CELSR1: variants seen among roughly 807,000 people sequenced by gnomAD.
The protein encoded by CELSR1 is adhesion G protein-coupled receptor C1.
Under a neutral mutation model 249.1 loss-of-function variants are expected in CELSR1, and 110 were observed. That is an observed-to-expected ratio of 0.44 (90% CI 0.38 to 0.52). CELSR1 has a LOEUF of 0.52. CELSR1 is among the 20% of genes least tolerant of loss of function. The pLI is 0.00. For missense variants in CELSR1, 4,109 were observed against 4,296.4 expected (o/e 0.96, Z 1.22); for synonymous variants, 2,113 against 1,900.0 (o/e 1.11, Z -2.92).
In CELSR1 at chr22:46,367,557, A is replaced by G. The variant is rs576721285; in HGVS notation, c.8079+172T>C. 4.3e-3 allele frequency among the ~76,000 whole-genome samples: 654 copies of G among 152,324 alleles called. 5 individuals are homozygous for G. Among genetic ancestry groups the G allele is most frequent in the African/African-American group, 0.015 (624 of 41,574 alleles). The stretch of plus-strand genomic sequence containing the variant: ...CCAGACACAGTGGGGAGGAGGCACC[A>G]GCCCCCGTGCCGGCTGCACAAGGGA... On this transcript the variant is annotated intron_variant, in intron 28 of 34. Transcript: ENST00000674500.
chr22:46,397,981 G>C, intron 11 of CELSR1, 133 bp from the exon 12 acceptor site: 1 of 817,494 alleles, frequency 1.2e-6, no homozygotes, highest in South Asian at 3.3e-5. Flanking sequence ...GAGCTGGGGC[G>C]GGCAGGGTTG....
rs752566318 is a variant in CELSR1 at position 46,364,065 on chromosome 22, C to T, written c.8966G>A (p.Arg2989His). The T allele has an allele frequency of 8.7e-6, 14 of 1,612,156 alleles. No individual in the cohort carries two copies. The highest frequency in any genetic ancestry group is 4.4e-5 in the South Asian group (4 of 91,072). Residue 2989 changes from arginine (R) to histidine (H), a missense_variant, in exon 34 of 35, where the codon CGT becomes CAT. Arg to His is a conservative substitution (Grantham distance 29). Coordinates refer to ENST00000674500, the MANE Select transcript of CELSR1 (RefSeq NM_001378328.1). ...TVKSPGREPG[R>H]DHLNGVAMNV... ...CATGGCCACCCCGTTGAGGTGGTCACGCCCCGGCTCCCTCCCAGGGCTCTT... is the reference window on the plus strand; with the variant it reads ...CATGGCCACCCCGTTGAGGTGGTCATGCCCCGGCTCCCTCCCAGGGCTCTT...
rs956134845 is a variant in CELSR1, at chr22:46,391,367, G to A, written c.6149-80C>T. On this transcript the variant is annotated intron_variant, in intron 15 of 34. Coordinates refer to ENST00000674500, the MANE Select transcript of CELSR1 (RefSeq NM_001378328.1). This position sits in a 1 kb window ranked among gnomAD's most constrained non-coding sequence, Gnocchi z 4.3. ...CAAACAGGCACCACTGTCTGCATGCGCCTCCCTGCAGGAGGCCCTGCTCCC... is the reference window on the plus strand; with the variant it reads ...CAAACAGGCACCACTGTCTGCATGCACCTCCCTGCAGGAGGCCCTGCTCCC... The A allele has an allele frequency of 1.2e-5, 15 of 1,282,532 alleles. No homozygotes were observed. The highest frequency in any genetic ancestry group is 2.9e-5 in the African/African-American group (2 of 68,156). 79.4% of individuals were successfully genotyped at this position (1,282,532 alleles called of 1,614,324 possible). A position where few individuals can be genotyped will look rare whatever the true frequency, so the allele number is the denominator to read the frequency against.
At chr22:46,369,988 A>C (rs2147178079) in intron 25 of CELSR1, 184 bp from the exon 26 acceptor site, 40 of 664,004 alleles carry the variant, frequency 6.0e-5, no homozygotes, top group East Asian at 1.8e-4. Context: ...GTAGGGTCTC[A>C]GGCTCACTGG....
chr22:46,499,991 C>T (rs2080450877), intron 1 of CELSR1, among the ~76,000 whole-genome samples: 1 of 152,146 alleles, frequency 6.6e-6, no homozygotes, highest in South Asian at 2.1e-4. Flanking sequence ...ATGTCCATTT[C>T]CACCCCATGC....
chr22:46,394,036 T>G, intron 14 of CELSR1, 106 bp downstream of exon 14: 3 of 1,428,220 alleles, frequency 2.1e-6, no homozygotes, highest in South Asian at 1.3e-5. Flanking sequence ...TGCAGGGGTG[T>G]GAGTGTGTAC....
At chr22:46,493,792 T>A (rs1187251502) in intron 1 of CELSR1, among the ~76,000 whole-genome samples, 2 of 152,156 alleles carry the variant, frequency 1.3e-5, no homozygotes, top group Non-Finnish European at 1.5e-5. Context: ...CCTGCCACCA[T>A]GTAAGATGTG....
At chr22:46,444,832 C>T (rs2079799227) in intron 2 of CELSR1, among the ~76,000 whole-genome samples, 1 of 152,166 alleles carries the variant, frequency 6.6e-6, no homozygotes, top group Non-Finnish European at 1.5e-5. Flanking sequence ...TGGCTCCCAG[C>T]GTCCCTGGCT....
intron 1 of CELSR1, among the ~76,000 whole-genome samples, chr22:46,515,094 G>A (rs1204814772): frequency 2.0e-5 from 3 of 150,278 alleles, no homozygotes; most frequent in Admixed American, 6.7e-5. Flanking sequence ...GTCTGGCAGC[G>A]TGGACCCCCC....
At position 46,484,268 on chromosome 22, in the gene CELSR1, C is replaced by G. The variant is rs2080293873; in HGVS notation, c.3545-19923G>C. Among the ~76,000 whole-genome samples, 1 of 152,154 alleles carries G rather than the reference C, an allele frequency of 6.6e-6. No homozygotes were observed. The highest frequency in any genetic ancestry group is 2.1e-4 in the South Asian group (1 of 4,826). On this transcript the variant is annotated intron_variant, in intron 1 of 34. Coordinates refer to ENST00000674500, the MANE Select transcript of CELSR1 (RefSeq NM_001378328.1). The surrounding 1 kb of genome is among the most constrained non-coding windows in gnomAD (Gnocchi z 4.5). ...CCCACCAGCCCCAGCTGCTCAGTCC[C>G]AAGCAAGACCGCTGGGAGGGTCCTG...
At chr22:46,525,449 CAAAA>C (rs10585540) in intron 1 of CELSR1, among the ~76,000 whole-genome samples, 1 of 146,380 alleles carries the variant, frequency 6.8e-6, no homozygotes, top group Admixed American at 6.8e-5. Flanking sequence ...AACTCTGTCT[CAAAA>C]AAAAAAAAAA....
At position 46,373,021 on chromosome 22, in the gene CELSR1, T is replaced by C. The variant is rs769248764; in HGVS notation, c.7621A>G (p.Ile2541Val). 4 of 1,611,530 alleles carry C rather than the reference T, an allele frequency of 2.5e-6. No homozygotes were observed. In the Admixed American group the frequency reaches 5.0e-5, roughly 20 times the overall value. Residue 2541 changes from isoleucine (I) to valine (V), a missense_variant, in exon 25 of 35, where the codon ATC (isoleucine) becomes GTC (valine). Transcript: ENST00000674500. ...CTVVAILLHY[I>V]YMSTFAWTLV... ...GTCCAGGCAAAGGTGCTCATGTAGA[T>C]GTAGTGGAGGAGGATGGCAACCACT...
rs1257189841 is a variant in CELSR1, at chr22:46,534,920, C to A, written c.2251G>T (p.Asp751Tyr). The A allele has an allele frequency of 2.5e-6, 4 of 1,612,352 alleles. No individual in the cohort carries two copies. In the African/African-American group the frequency reaches 4.0e-5, roughly 16 times the overall value. Reference sequence around the variant, plus strand: ...ACGTACTGCTGCTCCTGCTTGTAGTCCAGAGGTAGCGCCAGGGTGATGAGG... The same window carrying A: ...ACGTACTGCTGCTCCTGCTTGTAGTACAGAGGTAGCGCCAGGGTGATGAGG... ...GGLITLALPLDYKQEQQYVLA... is the reference protein window; with the variant it reads ...GGLITLALPLYYKQEQQYVLA... The change falls in exon 1 of 35, where the codon GAC becomes TAC. Residue 751 changes from aspartate (D) to tyrosine (Y), a missense_variant. Coordinates refer to ENST00000674500, the MANE Select transcript of CELSR1 (RefSeq NM_001378328.1). The surrounding 1 kb of genome is among the most constrained non-coding windows in gnomAD (Gnocchi z 9.7).
At chr22:46,444,933 C>A (rs1258569596) in intron 2 of CELSR1, among the ~76,000 whole-genome samples, 1 of 152,190 alleles carries the variant, frequency 6.6e-6, no homozygotes, top group Non-Finnish European at 1.5e-5. Flanking sequence ...AGGCCGGGAG[C>A]GGTGGCTCGT....
Position 46,366,397 on chromosome 22 carries a change from G to T in CELSR1, c.8289C>A (p.Asp2763Glu). The change falls in exon 30 of 35, where the codon GAC (aspartate) becomes GAA (glutamate). Residue 2763 changes from aspartate to glutamate, a missense_variant. Around this residue, in one of 7 missense-constraint regions of CELSR1, gnomAD observed 1,805 missense variants for 1,831.6 expected, o/e 0.99. Transcript: ENST00000674500. The part of the protein sequence containing the change: ...TDLGESTASL[D>E]SIVRDEGIQK... ...AGCTGCGGCCTGACCTGACGATGCT[G>T]TCCAGCGAGGCGGTGGACTCGCCCA... 1 of 1,549,366 alleles carries T rather than the reference G, an allele frequency of 6.5e-7. No individual in the cohort carries two copies.
chr22:46,373,694 AGGGGGAGAT>A (rs1407764454), intron 24 of CELSR1, among the ~76,000 whole-genome samples: 329 of 26,076 alleles, frequency 0.013, 1 homozygote, highest in Middle Eastern at 0.029. Context: ...ATGGGGGAGA[AGGGGGAGAT>A]GGGGGAGATG....
In CELSR1 at chr22:46,536,249, C is replaced by G. The variant is rs2080854284; in HGVS notation, c.922G>C (p.Asp308His). 1 of 1,612,262 alleles carries G rather than the reference C, an allele frequency of 6.2e-7. No homozygotes were observed. Among genetic ancestry groups the G allele is most frequent in the Admixed American group, 1.7e-5 (1 of 59,998 alleles). The change falls in exon 1 of 35, where the codon GAC becomes CAC. Residue 308 changes from aspartate to histidine, a missense_variant. Around this residue, in one of 7 missense-constraint regions of CELSR1, gnomAD observed 673 missense variants for 636.8 expected, o/e 1.06. Transcript: ENST00000674500. ...IDSATGAVSTDSVLDRETKET... is the reference protein window; with the variant it reads ...IDSATGAVSTHSVLDRETKET... ...TTGGTCTCGCGGTCCAGTACGCTGT[C>G]CGTGCTCACGGCGCCCGTGGCAGAG...
chr22:46,532,652 T>G (rs1366697008), intron 1 of CELSR1, among the ~76,000 whole-genome samples: 3 of 152,206 alleles, frequency 2.0e-5, no homozygotes, highest in Admixed American at 6.5e-5. Flanking sequence ...GAGCTCTTCT[T>G]GGCAGTAGTT....
chr22:46,459,567 AC>A (rs1311366171), intron 2 of CELSR1, among the ~76,000 whole-genome samples: 1 of 151,882 alleles, frequency 6.6e-6, no homozygotes, highest in South Asian at 2.1e-4. Flanking sequence ...TCCTGACCCC[AC>A]CCTCCACAGT....
Sources: gnomAD v4.1 joint callset for allele counts (sites outside exome capture counted in the v4.1 genomes callset) on GRCh38, gnomAD v4.1.1 for gene constraint, gnomAD v4.1.1 regional missense constraint, Gnocchi (gnomAD v3.1) non-coding constraint, MANE v1.5 for transcripts, NCBI Gene and HGNC (gene_info 2026-07-23, HGNC 2026-07-21) for gene names.